The following EP400 variants were observed in gnomAD, a reference collection of about 807,000 sequenced individuals.
EP400 encodes the protein E1A binding protein p400.
EP400 carries 105 observed loss-of-function variants against 354.1 expected under a neutral mutation model. The ratio of observed to expected loss-of-function variants is 0.30; its 90% confidence interval spans 0.25 to 0.35. EP400 has a LOEUF of 0.35. EP400 is among the 10% of genes least tolerant of loss of function. The pLI is 1.00. For synonymous variants in EP400, 1,646 were observed against 1,716.9 expected (o/e 0.96, Z 1.02); for missense variants, 3,280 against 4,121.0 (o/e 0.80, Z 5.59).
intron 43 of EP400, 51 bp downstream of exon 43, chr12:132,053,648 C>T (rs1170299978): frequency 1.4e-6 from 2 of 1,448,936 alleles, no homozygotes; most frequent in Non-Finnish European, 1.8e-6. Flanking sequence ...GTCACCCACA[C>T]CTGCACTTGA....
intron 4 of EP400, 126 bp from the exon 5 acceptor site, chr12:131,981,967 A>C (rs886574630): frequency 2.3e-6 from 3 of 1,287,904 alleles, no homozygotes; most frequent in African/African-American, 3.0e-5. Flanking sequence ...GTTGTGGCCA[A>C]CTTCTCGTGT....
At chr12:132,039,154 C>T (rs1380783179) in intron 32 of EP400, among the ~76,000 whole-genome samples, 3 of 152,126 alleles carry the variant, frequency 2.0e-5, no homozygotes, top group Non-Finnish European at 4.4e-5. Context: ...GCTGTCTCCT[C>T]TTCCATTTCT....
chr12:131,992,852 C>T (rs938203340), intron 11 of EP400, among the ~76,000 whole-genome samples: 3 of 152,222 alleles, frequency 2.0e-5, no homozygotes, highest in African/African-American at 4.8e-5. Flanking sequence ...GTTTCTCCTT[C>T]GGCTCTTTGA....
chr12:131,988,691 C>A (rs1027254810), intron 7 of EP400, among the ~76,000 whole-genome samples: 2 of 152,220 alleles, frequency 1.3e-5, no homozygotes, highest in Middle Eastern at 3.2e-3. Context: ...TTTCTAGAAA[C>A]CCCAGGCCTC....
At chr12:132,039,102 C>A (rs1383343296) in intron 32 of EP400, among the ~76,000 whole-genome samples, 4 of 151,972 alleles carry the variant, frequency 2.6e-5, no homozygotes, top group Non-Finnish European at 5.9e-5. Flanking sequence ...TGGTGTCAGC[C>A]CCCTCCTTGC....
At chr12:132,037,927 G>A in intron 31 of EP400, 26 bp from the exon 32 acceptor site, 1 of 1,614,074 alleles carries the variant, frequency 6.2e-7, no homozygotes, top group Non-Finnish European at 8.5e-7. Context: ...CTTGTACTGG[G>A]GAGTAACACA....
intron 48 of EP400, chr12:132,065,380 A>ACCAT: frequency 6.3e-6 from 1 of 159,928 alleles, no homozygotes; most frequent in Non-Finnish European, 1.4e-5. Context: ...AGCAGGTGCC[A>ACCAT]GCGTCCCGGG....
chr12:132,033,881 T>A (rs933541899), intron 30 of EP400, among the ~76,000 whole-genome samples: 1 of 152,182 alleles, frequency 6.6e-6, no homozygotes, highest in African/African-American at 2.4e-5. Context: ...ATTCAAATGC[T>A]GTATTTAAAT....
At chr12:131,950,764 T>C (rs1017504856) in intron 1 of EP400, among the ~76,000 whole-genome samples, 4 of 152,216 alleles carry the variant, frequency 2.6e-5, no homozygotes, top group South Asian at 2.1e-4. Flanking sequence ...TATTAGTAAT[T>C]ACTTTCTGAG....
At chr12:132,031,017 A>G (rs1894472300) in intron 29 of EP400, among the ~76,000 whole-genome samples, 1 of 152,246 alleles carries the variant, frequency 6.6e-6, no homozygotes, top group South Asian at 2.1e-4. Flanking sequence ...AGGCCTAGAA[A>G]GAAATAGAGC....
chr12:131,987,948 C>A, intron 7 of EP400, 58 bp downstream of exon 7: 1 of 1,366,636 alleles, frequency 7.3e-7, no homozygotes, highest in Admixed American at 2.5e-5. Context: ...CTTGAGTTTG[C>A]AGTGGTGTAA....
intron 19 of EP400, among the ~76,000 whole-genome samples, chr12:132,016,787 G>T (rs1374490558): frequency 1.3e-5 from 2 of 152,190 alleles, no homozygotes; most frequent in Non-Finnish European, 2.9e-5. Context: ...GTTTTCCCAA[G>T]CCTGGCTCCC....
At chr12:132,034,557 G>A (rs1424575401) in intron 30 of EP400, among the ~76,000 whole-genome samples, 3 of 152,240 alleles carry the variant, frequency 2.0e-5, no homozygotes, top group Non-Finnish European at 4.4e-5. Flanking sequence ...AGTGTTGCGG[G>A]TGGGAGTGTG....
intron 32 of EP400, among the ~76,000 whole-genome samples, chr12:132,040,668 A>G (rs1894870600): frequency 6.6e-6 from 1 of 152,224 alleles, no homozygotes; most frequent in Admixed American, 6.5e-5. Context: ...AGAGGCAGAA[A>G]CCAAACCTAG....
At chr12:131,996,116 A>T (rs956208433) in intron 12 of EP400, among the ~76,000 whole-genome samples, 6 of 152,152 alleles carry the variant, frequency 3.9e-5, no homozygotes, top group Non-Finnish European at 8.8e-5. Flanking sequence ...CTTTTTGTAA[A>T]TATGTGACCG....
In EP400 at chr12:132,032,135, C is replaced by T; in HGVS notation, c.5937C>T (p.Asp1979=). The stretch of plus-strand genomic sequence containing the variant: ...GCGATAGGATCGGGAGATGCAAAGA[C>T]ATCCACATATACAGGTGAGGGCCTG... ...EWCDRIGRCK[D]IHIYRLVSGN... is the part of the protein sequence containing the mutation. Residue 1979 remains aspartate, a synonymous_variant, in exon 30 of 53, where the codon GAC becomes GAT. Transcript: ENST00000389561. 1 of 1,613,402 alleles carries T rather than the reference C, an allele frequency of 6.2e-7. No individual in the cohort carries two copies. Among genetic ancestry groups the T allele is most frequent in the Non-Finnish European group, 8.5e-7 (1 of 1,179,648 alleles).
Position 132,045,078 on chromosome 12 carries a change from AC to A in EP400, c.6784+126del, listed in dbSNP as rs373126965. 1.8e-4 allele frequency: 257 copies of A among 1,423,456 alleles called. 1 individual carries two copies. In the African/African-American group the frequency reaches 3.2e-3, roughly 18 times the overall value. 88.2% of individuals were successfully genotyped at this position (1,423,456 alleles called of 1,614,324 possible). A position where few individuals can be genotyped will look rare whatever the true frequency, so the allele number is the denominator to read the frequency against. ...TGTCTGCTGCAGGGCTAGCGATCAC[AC>A]GCCCATCCGCTGCCTCTCAGGCCAT... is the stretch of plus-strand genomic sequence containing the variant. On this transcript the variant is annotated intron_variant, in intron 37 of 52. Transcript: ENST00000389561.
At position 132,062,205 on chromosome 12, in the gene EP400, C is replaced by T. The variant is rs764902801; in HGVS notation, c.7980C>T (p.Ser2660=). Reference sequence around the variant, plus strand: ...CCACGGCGACCCCTGACCTGGTGTCCATGGCAACGACTCAGGGTGTTCGAG... The same window carrying T: ...CCACGGCGACCCCTGACCTGGTGTCTATGGCAACGACTCAGGGTGTTCGAG... The part of the protein sequence containing the change: ...SPATATPDLV[S]MATTQGVRAV... Residue 2660 remains serine, a synonymous_variant, in exon 46 of 53, where the codon TCC becomes TCT. Coordinates refer to ENST00000389561, the MANE Select transcript of EP400 (RefSeq NM_015409.5). 6.2e-7 allele frequency: 1 copy of T among 1,614,164 alleles called. No individual in the cohort carries two copies. Among genetic ancestry groups the T allele is most frequent in the Non-Finnish European group, 8.5e-7 (1 of 1,180,016 alleles).
intron 2 of EP400, among the ~76,000 whole-genome samples, chr12:131,963,918 G>A (rs138686809): frequency 6.6e-6 from 1 of 152,132 alleles, no homozygotes; most frequent in Non-Finnish European, 1.5e-5. Flanking sequence ...TTGAATGTAT[G>A]CTCAGGATTC....
Sources: allele counts gnomAD v4.1 joint callset (sites outside exome capture counted in the v4.1 genomes callset), GRCh38; gene constraint gnomAD v4.1.1; transcripts MANE v1.5; gene names NCBI Gene and HGNC (gene_info 2026-07-23, HGNC 2026-07-21).